GRIK5: variants seen among roughly 807,000 people sequenced by gnomAD.
GRIK5 encodes glutamate receptor ionotropic, kainate 5.
GRIK5 carries 43 observed loss-of-function variants against 97.4 expected under a neutral mutation model. That is an observed-to-expected ratio of 0.44 (90% CI 0.35 to 0.57). The LOEUF (loss-of-function observed/expected upper bound fraction) is 0.57, where lower values mean the gene tolerates loss of function less well. GRIK5 is among the 20% of genes least tolerant of loss of function. The pLI, the probability that GRIK5 is intolerant of heterozygous loss-of-function variation, is 0.01. For synonymous variants in GRIK5, 580 were observed against 583.5 expected (o/e 0.99, Z 0.09); for missense variants, 1,015 against 1,382.0 (o/e 0.73, Z 4.21).
At chr19:42,052,411 T>C (rs897483807) in intron 11 of GRIK5, among the ~76,000 whole-genome samples, 2 of 151,858 alleles carry the variant, frequency 1.3e-5, no homozygotes, top group African/African-American at 2.4e-5. Context: ...TGTTAGGAGG[T>C]GTCTGGTTTC....
chr19:42,056,624 G>T lies in GRIK5; in HGVS notation c.903+38C>A, dbSNP rs761221189. 4.3e-5 allele frequency: 69 copies of T among 1,590,530 alleles called. No individual in the cohort carries two copies. The South Asian group carries it at 5.6e-4, about 13-fold the overall frequency. ...AGGGGGCCCCAGAAGTATCTGTGCA[G>T]AGTGTTTCTGGGTGTGACTGGGTAT... On this transcript the variant is annotated intron_variant, in intron 8 of 19. Transcript: ENST00000593562.
In GRIK5 at chr19:42,003,307, C is replaced by G. The variant is rs1555871466; in HGVS notation, c.2514+25G>C. 6 of 1,339,212 alleles carry G rather than the reference C, an allele frequency of 4.5e-6. No individual in the cohort carries two copies. The highest frequency in any genetic ancestry group is 1.4e-5 in the African/African-American group (1 of 69,410). The allele number at this position is 1,339,212 out of a possible 1,614,324, so 83.0% of individuals were successfully genotyped here. ...AGCCCCTGGGGGTCCCTGTTCCTGC[C>G]CACCCCCACCCCCAGCCTCCTCACC... is the stretch of plus-strand genomic sequence containing the variant. On this transcript the variant is annotated intron_variant, in intron 19 of 19. Transcript: ENST00000593562. The surrounding 1 kb of genome is among the most constrained non-coding windows in gnomAD (Gnocchi z 4.2).
chr19:42,057,051 A>G (rs963871794), intron 6 of GRIK5, 73 bp from the exon 7 acceptor site: 18 of 1,114,118 alleles, frequency 1.6e-5, no homozygotes, highest in Non-Finnish European at 2.3e-5. Flanking sequence ...AGGACTCAAG[A>G]GAAGAAGAGA....
chr19:42,068,800 A>G, intron 1 of GRIK5: 1 of 593,284 alleles, frequency 1.7e-6, no homozygotes, highest in Non-Finnish European at 3.1e-6. Context: ...GGGGGCTCAA[A>G]AGCGGAAAGA....
chr19:42,065,216 C>A lies in GRIK5; in HGVS notation c.244+7G>T, dbSNP rs201577316. 2 of 1,604,686 alleles carry A rather than the reference C, an allele frequency of 1.2e-6. No homozygotes were observed. ...GCCTCACCCCACGCCCCCATGGCCCCGCTCACTGGTGTCCGTGGTCTCGTA... is the reference window on the plus strand; with the variant it reads ...GCCTCACCCCACGCCCCCATGGCCCAGCTCACTGGTGTCCGTGGTCTCGTA... On this transcript the variant is annotated splice_region_variant and intron_variant, in intron 3 of 19. Transcript: ENST00000593562. The surrounding 1 kb of genome is among the most constrained non-coding windows in gnomAD (Gnocchi z 5.8).
chr19:42,053,010 T>C (rs912826821), intron 11 of GRIK5, among the ~76,000 whole-genome samples: 3 of 152,156 alleles, frequency 2.0e-5, no homozygotes, highest in African/African-American at 7.2e-5. Context: ...GAACAGGCAA[T>C]CAATAAATAC....
intron 15 of GRIK5, among the ~76,000 whole-genome samples, chr19:42,014,028 CAAAAA>C (rs1050872672): frequency 1.4e-5 from 1 of 69,730 alleles, no homozygotes; most frequent in Admixed American, 1.7e-4. Flanking sequence ...GACTCCATCT[CAAAAA>C]AAAAAAAAAA....
chr19:42,022,141 T>G lies in GRIK5; in HGVS notation c.1588-85A>C, dbSNP rs1703051069. On this transcript the variant is annotated intron_variant, in intron 13 of 19. Transcript: ENST00000593562. This position sits in a 1 kb window ranked among gnomAD's most constrained non-coding sequence, Gnocchi z 4.2. ...CTGCCCTACCAGGGACCTGGGAGCCTGACCGGCCCATCTGAGGTCCTGGGG... is the reference window on the plus strand; with the variant it reads ...CTGCCCTACCAGGGACCTGGGAGCCGGACCGGCCCATCTGAGGTCCTGGGG... 4 of 1,395,562 alleles carry G rather than the reference T, an allele frequency of 2.9e-6. No homozygotes were observed. In the South Asian group the frequency reaches 4.8e-5, roughly 17 times the overall value. 86.4% of individuals were successfully genotyped at this position (1,395,562 alleles called of 1,614,324 possible).
chr19:42,058,871 C>T (rs955537709), intron 6 of GRIK5, among the ~76,000 whole-genome samples: 1 of 151,262 alleles, frequency 6.6e-6, no homozygotes, highest in African/African-American at 2.4e-5. Context: ...TGCAAAAACA[C>T]CTTAACACAG....
Position 42,042,829 on chromosome 19 carries a change from C to A in GRIK5, c.1270-74G>T. ...TGGGTTGCGGATCCTGGAGCCCGGA[C>A]CAGGCAGGTAGAGCAGGAATCTGCT... On this transcript the variant is annotated intron_variant, in intron 11 of 19. Transcript: ENST00000593562. This position sits in a 1 kb window ranked among gnomAD's most constrained non-coding sequence, Gnocchi z 6.9. 1 of 1,157,920 alleles carries A rather than the reference C, an allele frequency of 8.6e-7. No individual in the cohort carries two copies. Among genetic ancestry groups the A allele is most frequent in the East Asian group, 2.4e-5 (1 of 40,818 alleles). 71.7% of individuals were successfully genotyped at this position (1,157,920 alleles called of 1,614,324 possible). A position where few individuals can be genotyped will look rare whatever the true frequency, so the allele number is the denominator to read the frequency against.
At chr19:42,017,876 A>C (rs2075644269) in intron 15 of GRIK5, among the ~76,000 whole-genome samples, 1 of 152,166 alleles carries the variant, frequency 6.6e-6, no homozygotes, top group Non-Finnish European at 1.5e-5. Context: ...CTGCAGAGAC[A>C]GCCTAGGAGC....
In GRIK5 at chr19:42,002,298, A is replaced by G. The variant is rs2075432098; in HGVS notation, c.2514+1034T>C. 4.2e-6 allele frequency: 3 copies of G among 717,608 alleles called. No individual in the cohort carries two copies. Among genetic ancestry groups the G allele is most frequent in the Non-Finnish European group, 7.8e-6 (3 of 385,100 alleles). The allele number at this position is 717,608 out of a possible 1,614,324, so 44.5% of individuals were successfully genotyped here. A position where few individuals can be genotyped will look rare whatever the true frequency, so the allele number is the denominator to read the frequency against. ...AAAGTGGGCGGTGGCTGGGAGGGAA[A>G]GTGAGGTCAGGAGAGGGTTTAAGAC... is the stretch of plus-strand genomic sequence containing the variant. On this transcript the variant is annotated intron_variant, in intron 19 of 19. Coordinates refer to ENST00000593562, the MANE Select transcript of GRIK5 (RefSeq NM_002088.5). This position sits in a 1 kb window ranked among gnomAD's most constrained non-coding sequence, Gnocchi z 5.2.
chr19:42,034,367 C>T (rs2075876231), intron 12 of GRIK5, among the ~76,000 whole-genome samples: 1 of 152,120 alleles, frequency 6.6e-6, no homozygotes, highest in Non-Finnish European at 1.5e-5. Context: ...GAGCAAGACC[C>T]TGTTTCAAAA....
At chr19:42,058,497 T>TAA (rs768853670) in intron 6 of GRIK5, among the ~76,000 whole-genome samples, 1 of 132,190 alleles carries the variant, frequency 7.6e-6, no homozygotes, top group African/African-American at 2.8e-5. Context: ...TGGTTTTAAT[T>TAA]AAAAAAAAAA....
chr19:42,002,627 G>A lies in GRIK5; in HGVS notation c.2514+705C>T. ...GAGGCTGACAGAGAGAGGGGAAGCA[G>A]GGAACCAGCAGTCCAGGGGTGCAAG... On this transcript the variant is annotated intron_variant, in intron 19 of 19. Transcript: ENST00000593562. This position sits in a 1 kb window ranked among gnomAD's most constrained non-coding sequence, Gnocchi z 5.2. 1 of 626,574 alleles carries A rather than the reference G, an allele frequency of 1.6e-6. No homozygotes were observed. Among genetic ancestry groups the A allele is most frequent in the Non-Finnish European group, 2.9e-6 (1 of 344,928 alleles). 38.8% of individuals were successfully genotyped at this position (626,574 alleles called of 1,614,324 possible). A position where few individuals can be genotyped will look rare whatever the true frequency, so the allele number is the denominator to read the frequency against.
chr19:42,004,654 CT>C (rs2075463994), intron 17 of GRIK5, among the ~76,000 whole-genome samples: 1 of 152,146 alleles, frequency 6.6e-6, no homozygotes, highest in African/African-American at 2.4e-5. Context: ...CAGAATCTCA[CT>C]TGGTTACCCA....
intron 12 of GRIK5, among the ~76,000 whole-genome samples, chr19:42,036,559 T>G (rs1482162696): frequency 6.6e-6 from 1 of 152,180 alleles, no homozygotes; most frequent in African/African-American, 2.4e-5. Flanking sequence ...TTTCACCATG[T>G]TGCCAAGGTT....
rs866951148 is a variant in GRIK5, at chr19:42,025,455, C to T, written c.1474-3101G>A. Among the ~76,000 whole-genome samples the T allele has an allele frequency of 3.3e-5, 5 of 152,232 alleles. No individual in the cohort carries two copies. In the South Asian group the frequency reaches 8.3e-4, roughly 25 times the overall value. On this transcript the variant is annotated intron_variant, in intron 12 of 19. Transcript: ENST00000593562. ...TCCCAGGGAGTTCAAGAAATGAGGG[C>T]TGACTGATGGGAGGAGTCAGTGAGT...
intron 15 of GRIK5, among the ~76,000 whole-genome samples, chr19:42,017,051 A>T (rs914052833): frequency 6.6e-6 from 1 of 152,102 alleles, no homozygotes; most frequent in African/African-American, 2.4e-5. Flanking sequence ...AGAGCTGCTC[A>T]CCGTTGGGGG....
Sources: allele counts gnomAD v4.1 joint callset (sites outside exome capture counted in the v4.1 genomes callset), GRCh38; gene constraint gnomAD v4.1.1; non-coding constraint Gnocchi (gnomAD v3.1); transcripts MANE v1.5; gene names NCBI Gene and HGNC (gene_info 2026-07-23, HGNC 2026-07-21).